Variants in ZNF704 observed in about 807,000 individuals in gnomAD.
ZNF704 encodes the protein zinc finger protein 704, also known as glucocorticoid induced gene 1.
ZNF704 carries 10 observed loss-of-function variants against 44.7 expected under a neutral mutation model. The ratio of observed to expected loss-of-function variants is 0.22; its 90% confidence interval spans 0.14 to 0.38. ZNF704 has a LOEUF of 0.38. Ranked by LOEUF, ZNF704 falls within the 10% of genes least tolerant of loss-of-function variation. ZNF704 has a pLI of 1.00. For missense variants in ZNF704, 390 were observed against 545.5 expected (o/e 0.71, Z 2.84); for synonymous variants, 211 against 207.6 (o/e 1.02, Z -0.14).
At chr8:80,792,987 T>A (rs1563555191) in intron 2 of ZNF704, among the ~76,000 whole-genome samples, 1 of 152,326 alleles carries the variant, frequency 6.6e-6, no homozygotes, top group Middle Eastern at 3.4e-3. Context: ...AGTAATTTGT[T>A]CGCTACACAG....
intron 1 of ZNF704, among the ~76,000 whole-genome samples, chr8:80,825,454 T>TA (rs2129903245): frequency 6.6e-6 from 1 of 152,266 alleles, no homozygotes; most frequent in Admixed American, 6.5e-5. Context: ...CAAAGAGACT[T>TA]AGACTCCCAC....
chr8:80,752,474 T>C (rs1806960184), intron 2 of ZNF704, among the ~76,000 whole-genome samples: 1 of 151,786 alleles, frequency 6.6e-6, no homozygotes, highest in African/African-American at 2.4e-5. Flanking sequence ...AAGAGAACAG[T>C]AGGAGGTTTT....
At chr8:80,659,555 G>C (rs373373540) in intron 7 of ZNF704, 30 bp downstream of exon 7, 12 of 1,601,174 alleles carry the variant, frequency 7.5e-6, no homozygotes, top group Non-Finnish European at 8.6e-6. Context: ...GCTTTGACCA[G>C]ATTTTTGGCT....
intron 5 of ZNF704, among the ~76,000 whole-genome samples, chr8:80,667,701 A>C (rs1485181377): frequency 6.6e-6 from 1 of 152,196 alleles, no homozygotes; most frequent in Non-Finnish European, 1.5e-5. Flanking sequence ...TGAATGAATG[A>C]GTGAATGAAT....
intron 7 of ZNF704, among the ~76,000 whole-genome samples, chr8:80,655,255 C>T (rs1305969697): frequency 6.6e-6 from 1 of 151,776 alleles, no homozygotes; most frequent in Non-Finnish European, 1.5e-5. Flanking sequence ...TTAATGGGTG[C>T]AGCACACCAA....
intron 2 of ZNF704, among the ~76,000 whole-genome samples, chr8:80,723,234 A>C (rs1399087039): frequency 1.3e-5 from 2 of 152,216 alleles, no homozygotes; most frequent in Non-Finnish European, 2.9e-5. Context: ...CAATCTCATT[A>C]AGTCATGGTT....
chr8:80,838,555 A>T (rs1393164911), intron 1 of ZNF704, among the ~76,000 whole-genome samples: 1 of 150,846 alleles, frequency 6.6e-6, no homozygotes, highest in South Asian at 2.1e-4. Context: ...ACCAGGAAAG[A>T]GCAAGGGCAA....
intron 4 of ZNF704, among the ~76,000 whole-genome samples, chr8:80,686,875 A>G (rs1818546178): frequency 6.6e-6 from 1 of 152,192 alleles, no homozygotes; most frequent in Non-Finnish European, 1.5e-5. Flanking sequence ...TATATTTTAC[A>G]TATGAAAAAA....
At chr8:80,829,557 T>C (rs1005899284) in intron 1 of ZNF704, among the ~76,000 whole-genome samples, 8 of 152,082 alleles carry the variant, frequency 5.3e-5, no homozygotes, top group Non-Finnish European at 1.2e-4. Context: ...ATCCAAAGTT[T>C]AAAGGAAGGA....
intron 1 of ZNF704, among the ~76,000 whole-genome samples, chr8:80,854,475 T>C (rs1443079779): frequency 1.3e-5 from 2 of 152,196 alleles, no homozygotes; most frequent in East Asian, 3.8e-4. Context: ...TAGAGGAACT[T>C]GCCTAACTGT....
chr8:80,756,430 T>C (rs1807037464), intron 2 of ZNF704, among the ~76,000 whole-genome samples: 1 of 152,180 alleles, frequency 6.6e-6, no homozygotes. Context: ...TCATTTCCAT[T>C]TTACAGACTA....
intron 1 of ZNF704, among the ~76,000 whole-genome samples, chr8:80,824,470 C>G (rs1298262355): frequency 6.6e-6 from 1 of 152,166 alleles, no homozygotes; most frequent in Non-Finnish European, 1.5e-5. Flanking sequence ...CCGAAAATGA[C>G]GGGGAGAATG....
intron 1 of ZNF704, among the ~76,000 whole-genome samples, chr8:80,871,903 G>A (rs1483437422): frequency 6.6e-6 from 1 of 152,166 alleles, no homozygotes; most frequent in Non-Finnish European, 1.5e-5. Context: ...CATTTTGAAA[G>A]AATTTAAAGG....
intron 2 of ZNF704, among the ~76,000 whole-genome samples, chr8:80,770,335 C>T (rs1807299762): frequency 6.6e-6 from 1 of 152,196 alleles, no homozygotes; most frequent in African/African-American, 2.4e-5. Context: ...CTGTCTCCAT[C>T]CCTCCTTCAC....
At chr8:80,745,357 C>T (rs559891999) in intron 2 of ZNF704, among the ~76,000 whole-genome samples, 5 of 152,172 alleles carry the variant, frequency 3.3e-5, no homozygotes, top group South Asian at 2.1e-4. Context: ...AGAAATTTCA[C>T]GGAATTCCCA....
chr8:80,686,308 G>A (rs1818534176), intron 4 of ZNF704, among the ~76,000 whole-genome samples: 1 of 152,142 alleles, frequency 6.6e-6, no homozygotes, highest in Non-Finnish European at 1.5e-5. Context: ...TAGGACTGCT[G>A]GGAGGATTAA....
At chr8:80,748,528 C>T (rs898159987) in intron 2 of ZNF704, among the ~76,000 whole-genome samples, 1 of 152,158 alleles carries the variant, frequency 6.6e-6, no homozygotes, top group Admixed American at 6.5e-5. Context: ...TCAGAAGATC[C>T]CCCTAGGCCC....
At chr8:80,875,323 A>G (rs775828600), upstream of ZNF704, among the ~76,000 whole-genome samples, 6 of 151,684 alleles carry the variant, frequency 4.0e-5, no homozygotes, top group Non-Finnish European at 7.4e-5. Flanking sequence ...TTTATTTTTC[A>G]GATGGAGTTT....
chr8:80,693,113 A>C lies in ZNF704; in HGVS notation c.222-6T>G. On this transcript the variant is annotated splice_polypyrimidine_tract_variant and splice_region_variant and intron_variant, in intron 2 of 8. Coordinates refer to ENST00000327835, the MANE Select transcript of ZNF704 (RefSeq NM_001033723.3). ...CTAGTTCCTCTGAAGATTTCCTGTA[A>C]AACAGGAAGGGACACTGGTGACTGT... The C allele has an allele frequency of 6.2e-7, 1 of 1,610,580 alleles. No homozygotes were observed. The highest frequency in any genetic ancestry group is 1.1e-5 in the South Asian group (1 of 90,988).
Sources: allele counts gnomAD v4.1 joint callset (sites outside exome capture counted in the v4.1 genomes callset), GRCh38; gene constraint gnomAD v4.1.1; transcripts MANE v1.5; gene names NCBI Gene and HGNC (gene_info 2026-07-23, HGNC 2026-07-21).